GBE1: variants seen among roughly 807,000 people sequenced by gnomAD.
GBE1 encodes 1,4-alpha-glucan-branching enzyme.
In GBE1, 70 loss-of-function variants were observed where a neutral mutation model predicts 88.8. The ratio of observed to expected loss-of-function variants is 0.79; its 90% confidence interval spans 0.65 to 0.96. The LOEUF (loss-of-function observed/expected upper bound fraction) is 0.96. GBE1 is among the 40% of genes least tolerant of loss of function. The pLI is 0.00. For synonymous variants in GBE1, 284 were observed against 300.1 expected (o/e 0.95, Z 0.56); for missense variants, 872 against 871.0 (o/e 1.00, Z -0.01).
chr3:81,608,810 G>A (rs571606600), intron 7 of GBE1, among the ~76,000 whole-genome samples: 1 of 152,254 alleles, frequency 6.6e-6, no homozygotes, highest in South Asian at 2.1e-4. Flanking sequence ...AGGGTAGAGG[G>A]TAGTCAAAAT....
chr3:81,574,275 G>C (rs1703614264), intron 12 of GBE1, among the ~76,000 whole-genome samples: 1 of 152,180 alleles, frequency 6.6e-6, no homozygotes, highest in Admixed American at 6.5e-5. Context: ...AGTTAATGGA[G>C]TAACTGATAA....
chr3:81,603,890 T>C (rs1398798626), intron 7 of GBE1, among the ~76,000 whole-genome samples: 3 of 152,128 alleles, frequency 2.0e-5, no homozygotes, highest in African/African-American at 7.2e-5. Context: ...TATATTCTAC[T>C]AGAATACAGA....
At chr3:81,521,275 T>C (rs1358527672) in intron 14 of GBE1, among the ~76,000 whole-genome samples, 1 of 151,592 alleles carries the variant, frequency 6.6e-6, no homozygotes, top group Non-Finnish European at 1.5e-5. Flanking sequence ...AAGTTAAATT[T>C]ATTCTGGCAC....
At chr3:81,561,428 T>A (rs187144976) in intron 12 of GBE1, among the ~76,000 whole-genome samples, 2 of 152,184 alleles carry the variant, frequency 1.3e-5, no homozygotes, top group Non-Finnish European at 1.5e-5. Flanking sequence ...AATATCTCTT[T>A]TATTTGAGTC....
rs577597594 is a variant in GBE1, at chr3:81,748,528, G to T, written c.143+12847C>A. Among the ~76,000 whole-genome samples, 24 of 151,132 alleles carry T rather than the reference G, an allele frequency of 1.6e-4. No individual in the cohort carries two copies. The East Asian group carries it at 4.8e-3, about 30-fold the overall frequency. On this transcript the variant is annotated intron_variant, in intron 1 of 15. Coordinates refer to ENST00000429644, the MANE Select transcript of GBE1 (RefSeq NM_000158.4). ...CGGGAGACTGGGGCAGGAGAATGGC[G>T]TGAACCCGGGAGGCGGAGCTTGCAG...
At chr3:81,750,550 T>C (rs184977394) in intron 1 of GBE1, among the ~76,000 whole-genome samples, 1,618 of 82,840 alleles carry the variant, frequency 0.02, 104 homozygotes, top group African/African-American at 0.03. Flanking sequence ...TATATATATA[T>C]GTATATATAT....
rs530077307 is a variant in GBE1, at chr3:81,594,773, C to A, written c.993-750G>T. ...CTGTGTAACTCAATTAAAAACACCA[C>A]ACGAAACAAGTCTGTTTTGGACAGT... On this transcript the variant is annotated intron_variant, in intron 7 of 15. Transcript: ENST00000429644. 2.0e-5 allele frequency among the ~76,000 whole-genome samples: 3 copies of A among 152,068 alleles called. No individual in the cohort carries two copies. The East Asian group carries it at 5.8e-4, about 29-fold the overall frequency.
In GBE1 at chr3:81,573,071, T is replaced by C. The variant is rs541888916; in HGVS notation, c.1618+4854A>G. The stretch of plus-strand genomic sequence containing the variant: ...TATATTTATTTTTGAACACGAAGCA[T>C]ACTTAGCCAATGATTATTTAAAAAA... On this transcript the variant is annotated intron_variant, in intron 12 of 15. Coordinates refer to ENST00000429644, the MANE Select transcript of GBE1 (RefSeq NM_000158.4). Among the ~76,000 whole-genome samples the C allele has an allele frequency of 9.2e-5, 14 of 152,076 alleles. No homozygotes were observed. In the East Asian group the frequency reaches 2.7e-3, roughly 29 times the overall value.
chr3:81,702,235 A>G (rs1460321323), intron 2 of GBE1, among the ~76,000 whole-genome samples: 6 of 150,892 alleles, frequency 4.0e-5, no homozygotes, highest in Admixed American at 1.3e-4. Flanking sequence ...TTCTGTGTTC[A>G]CTAAAGTCAT....
At chr3:81,731,088 C>T (rs924631928) in intron 1 of GBE1, among the ~76,000 whole-genome samples, 1 of 152,120 alleles carries the variant, frequency 6.6e-6, no homozygotes, top group Non-Finnish European at 1.5e-5. Context: ...CTGTACCATA[C>T]ATCTTTAATT....
chr3:81,660,981 C>G (rs1038745351), intron 3 of GBE1, among the ~76,000 whole-genome samples: 1 of 151,816 alleles, frequency 6.6e-6, no homozygotes, highest in Admixed American at 6.6e-5. Flanking sequence ...AAAAATAATG[C>G]CCACCTAAAC....
intron 1 of GBE1, among the ~76,000 whole-genome samples, chr3:81,744,215 G>A (rs1207830135): frequency 1.3e-5 from 2 of 152,114 alleles, no homozygotes; most frequent in East Asian, 1.9e-4. Context: ...CAACTGAGAT[G>A]TGCTATAAGT....
intron 14 of GBE1, among the ~76,000 whole-genome samples, chr3:81,522,549 C>T (rs1162978015): frequency 6.6e-6 from 1 of 151,280 alleles, no homozygotes; most frequent in African/African-American, 2.4e-5. Context: ...CTGCCCCCCC[C>T]AAATTTAAAA....
At chr3:81,631,311 A>G (rs563224528) in intron 7 of GBE1, among the ~76,000 whole-genome samples, 6 of 152,320 alleles carry the variant, frequency 3.9e-5, no homozygotes, top group South Asian at 2.1e-4. Flanking sequence ...CACTTAAAAC[A>G]TAAGTGGAGG....
intron 3 of GBE1, among the ~76,000 whole-genome samples, chr3:81,663,143 G>A (rs1485774860): frequency 2.0e-5 from 3 of 152,066 alleles, no homozygotes; most frequent in Non-Finnish European, 4.4e-5. Context: ...GAGAAAGCTG[G>A]GTCCCTGGCT....
chr3:81,562,431 G>A (rs1178956741), intron 12 of GBE1, among the ~76,000 whole-genome samples: 1 of 152,020 alleles, frequency 6.6e-6, no homozygotes, highest in African/African-American at 2.4e-5. Flanking sequence ...GTCTTATATA[G>A]GGTAGTGATG....
intron 7 of GBE1, among the ~76,000 whole-genome samples, chr3:81,610,698 G>T (rs1576168990): frequency 6.6e-6 from 1 of 152,276 alleles, no homozygotes; most frequent in South Asian, 2.1e-4. Flanking sequence ...GTGACTGCAG[G>T]TGGCTCTACT....
Position 81,576,045 on chromosome 3 carries a change from T to C in GBE1, c.1618+1880A>G, listed in dbSNP as rs144181531. On this transcript the variant is annotated intron_variant, in intron 12 of 15. Coordinates refer to ENST00000429644, the MANE Select transcript of GBE1 (RefSeq NM_000158.4). Reference sequence around the variant, plus strand: ...CCTGCTAAAAGCCTTAATCATTCTTTGTTCACATTCAATAATGTTTTAAGG... The same window carrying C: ...CCTGCTAAAAGCCTTAATCATTCTTCGTTCACATTCAATAATGTTTTAAGG... Among the ~76,000 whole-genome samples the C allele has an allele frequency of 5.8e-4, 88 of 152,214 alleles. 1 individual carries two copies. The East Asian group carries it at 0.016, about 27-fold the overall frequency.
intron 1 of GBE1, among the ~76,000 whole-genome samples, chr3:81,737,000 C>T (rs1368564289): frequency 1.3e-5 from 2 of 151,860 alleles, no homozygotes; most frequent in Non-Finnish European, 2.9e-5. Context: ...TAAGTTGTAT[C>T]AGACATTGGT....
Sources: gnomAD v4.1 joint callset for allele counts (sites outside exome capture counted in the v4.1 genomes callset) on GRCh38, gnomAD v4.1.1 for gene constraint, MANE v1.5 for transcripts, NCBI Gene and HGNC (gene_info 2026-07-23, HGNC 2026-07-21) for gene names.